The following TFDP2 variants were observed in gnomAD, a reference collection of about 807,000 sequenced individuals.
TFDP2 encodes transcription factor Dp-2 (E2F dimerization partner 2).
In TFDP2, 17 loss-of-function variants were observed where a neutral mutation model predicts 59.3. That is an observed-to-expected ratio of 0.29 (90% CI 0.20 to 0.43). The LOEUF (loss-of-function observed/expected upper bound fraction) is 0.43. Among genes scored for constraint, TFDP2 ranks in the 20% least tolerant of loss-of-function variants. TFDP2 has a pLI of 1.00. For missense variants in TFDP2, 391 were observed against 528.8 expected (o/e 0.74, Z 2.56); for synonymous variants, 180 against 194.7 (o/e 0.92, Z 0.63).
chr3:141,995,150 T>G lies in TFDP2; in HGVS notation c.187-9A>C. On this transcript the variant is annotated splice_polypyrimidine_tract_variant and intron_variant, in intron 4 of 12. Transcript: ENST00000489671. ...TGTGGTGTGCTTATAATCTGTAAAG[T>G]TAGGAACAAAGAATATAATATTCTT... 1 of 1,565,346 alleles carries G rather than the reference T, an allele frequency of 6.4e-7. No individual in the cohort carries two copies. The highest frequency in any genetic ancestry group is 8.6e-7 in the Non-Finnish European group (1 of 1,158,056).
chr3:142,056,821 CTTCCAGCCCTA>C (rs1207943724), intron 3 of TFDP2, among the ~76,000 whole-genome samples: 1 of 152,172 alleles, frequency 6.6e-6, no homozygotes, highest in Non-Finnish European at 1.5e-5. Context: ...GGAAGGACAT[CTTCCAGCCCTA>C]GTCCAGCCTG....
At chr3:142,141,075 G>A (rs915514225) in intron 1 of TFDP2, among the ~76,000 whole-genome samples, 12 of 152,154 alleles carry the variant, frequency 7.9e-5, no homozygotes, top group African/African-American at 2.9e-4. Context: ...CTCAGCAATG[G>A]CGGACACCCC....
chr3:141,978,382 T>A lies in TFDP2; in HGVS notation c.519+138A>T, dbSNP rs971647937. The A allele has an allele frequency of 7.9e-6, 7 of 884,584 alleles. No individual in the cohort carries two copies. In the African/African-American group the frequency reaches 1.1e-4, roughly 14 times the overall value. 54.8% of individuals were successfully genotyped at this position (884,584 alleles called of 1,614,324 possible). A position where few individuals can be genotyped will look rare whatever the true frequency, so the allele number is the denominator to read the frequency against. ...AAAGGAATTCCCTCCAAAATAAAAC[T>A]CAACAACAACAAAAAATCCCCCAAA... On this transcript the variant is annotated intron_variant, in intron 7 of 12. Coordinates refer to ENST00000489671, the MANE Select transcript of TFDP2 (RefSeq NM_001178139.2).
chr3:142,097,861 C>T (rs2061210467), intron 2 of TFDP2, among the ~76,000 whole-genome samples: 1 of 152,170 alleles, frequency 6.6e-6, no homozygotes, highest in Non-Finnish European at 1.5e-5. Context: ...TCTCGGCTCA[C>T]TGCAACCTCT....
chr3:142,048,394 C>T (rs1490662466), intron 3 of TFDP2, among the ~76,000 whole-genome samples: 1 of 138,110 alleles, frequency 7.2e-6, no homozygotes, highest in Non-Finnish European at 1.5e-5. Context: ...GTCTGGATGA[C>T]AGAGAGAGAC....
intron 9 of TFDP2, among the ~76,000 whole-genome samples, chr3:141,968,856 AAC>A (rs1234181796): frequency 3.3e-4 from 21 of 63,340 alleles, no homozygotes; most frequent in Admixed American, 5.7e-4. Flanking sequence ...AGATATATAT[AAC>A]ATATATATCT....
intron 3 of TFDP2, among the ~76,000 whole-genome samples, chr3:142,032,117 G>A (rs1946458696): frequency 6.6e-6 from 1 of 150,700 alleles, no homozygotes; most frequent in Non-Finnish European, 1.5e-5. Flanking sequence ...TTTTAAGAGA[G>A]AGAGGGTTTT....
At chr3:142,007,846 C>T (rs1167658453) in intron 3 of TFDP2, among the ~76,000 whole-genome samples, 2 of 152,082 alleles carry the variant, frequency 1.3e-5, no homozygotes, top group South Asian at 4.1e-4. Context: ...AGGCGGAGCT[C>T]AGGCAGTGAT....
chr3:142,030,085 A>G (rs1946349451), intron 3 of TFDP2, among the ~76,000 whole-genome samples: 1 of 152,220 alleles, frequency 6.6e-6, no homozygotes, highest in Non-Finnish European at 1.5e-5. Context: ...TGTCTGTTAG[A>G]CACTCAAATA....
chr3:142,041,071 A>G (rs780438759), intron 3 of TFDP2, among the ~76,000 whole-genome samples: 22 of 152,218 alleles, frequency 1.4e-4, no homozygotes, highest in Non-Finnish European at 3.2e-4. Context: ...AACAGCTTAC[A>G]ATGAGTTCTG....
At chr3:142,074,137 G>A (rs745980174) in intron 3 of TFDP2, among the ~76,000 whole-genome samples, 1 of 152,258 alleles carries the variant, frequency 6.6e-6, no homozygotes, top group Non-Finnish European at 1.5e-5. Flanking sequence ...GCCAGGTGCA[G>A]TGGCTCACGC....
In TFDP2 at chr3:142,045,871, C is replaced by A. The variant is rs576292394; in HGVS notation, c.83-40327G>T. 3.3e-5 allele frequency among the ~76,000 whole-genome samples: 5 copies of A among 152,104 alleles called. No homozygotes were observed. The South Asian group carries it at 1.0e-3, about 32-fold the overall frequency. ...ATCCTGACCTCAAGTGATCCGCCCACCTTGGTCTCCCAAAGTGGTGGGATT... is the reference window on the plus strand; with the variant it reads ...ATCCTGACCTCAAGTGATCCGCCCAACTTGGTCTCCCAAAGTGGTGGGATT... On this transcript the variant is annotated intron_variant, in intron 3 of 12. Transcript: ENST00000489671.
chr3:141,979,683 G>C (rs1438032271), intron 6 of TFDP2, among the ~76,000 whole-genome samples: 1 of 151,996 alleles, frequency 6.6e-6, no homozygotes, highest in Non-Finnish European at 1.5e-5. Context: ...CCGCCTCCCA[G>C]GTTCAAGCGA....
In TFDP2 at chr3:142,099,147, T is replaced by C. The variant is rs528709547; in HGVS notation, c.15+2588A>G. 8.1e-4 allele frequency among the ~76,000 whole-genome samples: 124 copies of C among 152,346 alleles called. 1 individual carries two copies. The highest frequency in any genetic ancestry group is 2.8e-3 in the African/African-American group (116 of 41,578). ...TCCCTATCTACAATCTCTTCTGTGT[T>C]TGTGAGTCACTTCTCAGTAACATGT... On this transcript the variant is annotated intron_variant, in intron 2 of 12. Coordinates refer to ENST00000489671, the MANE Select transcript of TFDP2 (RefSeq NM_001178139.2).
chr3:141,979,585 T>C (rs1456657181), intron 6 of TFDP2, among the ~76,000 whole-genome samples: 1 of 151,990 alleles, frequency 6.6e-6, no homozygotes, highest in African/African-American at 2.4e-5. Context: ...CCTAGGATAG[T>C]GTGTCTCAGT....
chr3:141,961,436 G>T (rs1241437871), intron 10 of TFDP2, among the ~76,000 whole-genome samples: 1 of 151,720 alleles, frequency 6.6e-6, no homozygotes, highest in African/African-American at 2.4e-5. Flanking sequence ...TAGAAATGGG[G>T]GTTTTACCAT....
chr3:142,095,450 C>T (rs986510178), intron 2 of TFDP2, among the ~76,000 whole-genome samples: 1 of 152,176 alleles, frequency 6.6e-6, no homozygotes, highest in Non-Finnish European at 1.5e-5. Context: ...AATATTTTTA[C>T]ATATTTTTCA....
At chr3:142,047,218 A>C (rs1422278640) in intron 3 of TFDP2, among the ~76,000 whole-genome samples, 1 of 152,218 alleles carries the variant, frequency 6.6e-6, no homozygotes, top group Non-Finnish European at 1.5e-5. Flanking sequence ...TGAGGAATGC[A>C]AGTCCTTTTA....
chr3:142,111,586 A>G (rs2061666105), intron 1 of TFDP2, among the ~76,000 whole-genome samples: 1 of 152,084 alleles, frequency 6.6e-6, no homozygotes, highest in Non-Finnish European at 1.5e-5. Context: ...ACTGGCAAAG[A>G]GAGAGGGATA....
Sources: allele counts gnomAD v4.1 joint callset (sites outside exome capture counted in the v4.1 genomes callset), GRCh38; gene constraint gnomAD v4.1.1; transcripts MANE v1.5; gene names NCBI Gene and HGNC (gene_info 2026-07-23, HGNC 2026-07-21).